Variants in RHPN1 observed in about 807,000 individuals in gnomAD.
RHPN1 encodes rhophilin Rho GTPase binding protein 1.
Under a neutral mutation model 74.7 loss-of-function variants are expected in RHPN1, and 77 were observed. The ratio of observed to expected loss-of-function variants is 1.03; its 90% confidence interval spans 0.86 to 1.25. The LOEUF (loss-of-function observed/expected upper bound fraction) is 1.25. RHPN1 is among the 50% of genes most tolerant of loss of function. The pLI is 0.00. For synonymous variants in RHPN1, 444 were observed against 414.5 expected, an observed-to-expected ratio of 1.07 and a Z score of -0.87; for missense variants, 987 against 932.2, an observed-to-expected ratio of 1.06 and a Z score of -0.77.
intron 3 of RHPN1, among the ~76,000 whole-genome samples, chr8:143,376,919 T>C (rs1174090329): frequency 3.4e-5 from 5 of 148,752 alleles, no homozygotes; most frequent in Admixed American, 1.3e-4. Context: ...TGTCTGTGTG[T>C]CTGCATGTGT....
At chr8:143,378,211 T>G in intron 4 of RHPN1, 58 bp from the exon 5 acceptor site, 1 of 1,428,356 alleles carries the variant, frequency 7.0e-7, no homozygotes, top group Non-Finnish European at 9.7e-7. Flanking sequence ...TTGGGAGACC[T>G]CAGGGAAGGA....
Position 143,382,802 on chromosome 8 carries a change from A to T in RHPN1, c.*151A>T. On this transcript the variant is annotated 3_prime_UTR_variant, in exon 15 of 15. Transcript: ENST00000289013. Reference sequence around the variant, plus strand: ...CCTGCCTGCCCATTAAAGACTGGTCAGACCTGTCTGAGCCCAGTGATGGGA... The same window carrying T: ...CCTGCCTGCCCATTAAAGACTGGTCTGACCTGTCTGAGCCCAGTGATGGGA... 1 of 648,834 alleles carries T rather than the reference A, an allele frequency of 1.5e-6. No individual in the cohort carries two copies. The highest frequency in any genetic ancestry group is 2.6e-6 in the Non-Finnish European group (1 of 378,846). The allele number at this position is 648,834 out of a possible 1,614,324, so 40.2% of individuals were successfully genotyped here.
intron 3 of RHPN1, among the ~76,000 whole-genome samples, chr8:143,377,174 C>CTG (rs890612864): frequency 1.3e-5 from 2 of 151,922 alleles, no homozygotes; most frequent in African/African-American, 4.8e-5. Context: ...GTGTGTGTCT[C>CTG]TGTGTGTGTG....
chr8:143,382,756 TGCTG>T lies in RHPN1; in HGVS notation c.*107_*110del. 3.1e-6 allele frequency: 3 copies of T among 963,836 alleles called. No individual in the cohort carries two copies. Among genetic ancestry groups the T allele is most frequent in the Non-Finnish European group, 4.6e-6 (3 of 654,920 alleles). The allele number at this position is 963,836 out of a possible 1,614,324, so 59.7% of individuals were successfully genotyped here. On this transcript the variant is annotated 3_prime_UTR_variant, in exon 15 of 15. Transcript: ENST00000289013. ...TCCGGGCAATGCCTGTCCCGCCTCATGCTGGAGGCTGCCTCGGGCACCTGCCTGC... is the reference window on the plus strand; with the variant it reads ...TCCGGGCAATGCCTGTCCCGCCTCATGAGGCTGCCTCGGGCACCTGCCTGC...
upstream of RHPN1, among the ~76,000 whole-genome samples, chr8:143,364,937 T>A (rs1817541217): frequency 6.6e-6 from 1 of 152,176 alleles, no homozygotes. This position sits in a 1 kb window ranked among gnomAD's most constrained non-coding sequence, Gnocchi z 4.5. Context: ...ACTCCATTCA[T>A]CACAGTTGAG....
rs1376638763 is a variant in RHPN1, at chr8:143,369,042, C to A, written c.55C>A (p.Leu19Met). ...GAGAGEESPR[L>M]QGCDSLTQIQ... The stretch of plus-strand genomic sequence containing the variant: ...GGGCGCCGGCGAGGAGAGCCCGCGG[C>A]TGCAGGTGCGCAGAACTGGCGCGGC... Residue 19 changes from leucine to methionine, a missense_variant, in exon 1 of 15, where the codon CTG (leucine) becomes ATG (methionine). Leu to Met is a conservative substitution (Grantham distance 15). Coordinates refer to ENST00000289013, the MANE Select transcript of RHPN1 (RefSeq NM_052924.3). The A allele has an allele frequency of 6.7e-7, 1 of 1,494,068 alleles. No individual in the cohort carries two copies. The highest frequency in any genetic ancestry group is 2.2e-5 in the Admixed American group (1 of 45,728). 92.6% of individuals were successfully genotyped at this position (1,494,068 alleles called of 1,614,324 possible).
Position 143,379,419 on chromosome 8 carries a change from G to A in RHPN1, c.856G>A (p.Glu286Lys), listed in dbSNP as rs1441369642. The A allele has an allele frequency of 6.3e-7, 1 of 1,585,050 alleles. No individual in the cohort carries two copies. The highest frequency in any genetic ancestry group is 8.6e-7 in the Non-Finnish European group (1 of 1,166,100). ...GCAGCTCATGATGGCCCAGGCCCAG[G>A]AATGTGTGTTTGAGGGCCTCTCACC... is the stretch of plus-strand genomic sequence containing the variant. ...LEQLMMAQAQECVFEGLSPPA... is the reference protein window; with the variant it reads ...LEQLMMAQAQKCVFEGLSPPA... Residue 286 changes from glutamate to lysine, a missense_variant, in exon 8 of 15, where the codon GAA becomes AAA. By Grantham distance (56) the Glu-to-Lys change is moderately conservative. Transcript: ENST00000289013.
In RHPN1 at chr8:143,379,939, C is replaced by T. The variant is rs367677129; in HGVS notation, c.1056C>T (p.Arg352=). Reference sequence around the variant, plus strand: ...TGCATGTCAAGGCCGAGTACTTCCGCTCCCTGGCCCACTACCACGTAGCCA... The same window carrying T: ...TGCATGTCAAGGCCGAGTACTTCCGTTCCCTGGCCCACTACCACGTAGCCA... ...ALVHVKAEYF[R]SLAHYHVAMA... The change falls in exon 9 of 15, where the codon CGC becomes CGT. Residue 352 remains arginine, a synonymous_variant. Transcript: ENST00000289013. 3 of 1,585,224 alleles carry T rather than the reference C, an allele frequency of 1.9e-6. No individual in the cohort carries two copies. Among genetic ancestry groups the T allele is most frequent in the Non-Finnish European group, 2.6e-6 (3 of 1,166,846 alleles).
At chr8:143,377,216 G>C (rs1333646227) in intron 3 of RHPN1, among the ~76,000 whole-genome samples, 164 bp from the exon 4 acceptor site, 1 of 152,320 alleles carries the variant, frequency 6.6e-6, no homozygotes, top group Non-Finnish European at 1.5e-5. Context: ...AGGACGGTGG[G>C]GGGTGGTGCA....
At chr8:143,365,256 C>A (rs937859677), upstream of RHPN1, among the ~76,000 whole-genome samples, 11 of 152,222 alleles carry the variant, frequency 7.2e-5, no homozygotes. Context: ...AGCATCAAAT[C>A]ATCAACTTTT....
At chr8:143,364,437 C>T (rs566352701), upstream of RHPN1, among the ~76,000 whole-genome samples, 18 of 152,184 alleles carry the variant, frequency 1.2e-4, no homozygotes, top group African/African-American at 3.1e-4. The surrounding 1 kb of genome is among the most constrained non-coding windows in gnomAD (Gnocchi z 4.5). Context: ...ACACACAGCC[C>T]GGGAAGGTCC....
chr8:143,376,532 A>C lies in RHPN1; in HGVS notation c.184A>C (p.Ser62Arg), dbSNP rs1224107541. The change falls in exon 3 of 15, where the codon AGC (serine) becomes CGC (arginine). Residue 62 changes from serine (S) to arginine (R), a missense_variant. Coordinates refer to ENST00000289013, the MANE Select transcript of RHPN1 (RefSeq NM_052924.3). ...TGAENLYRAT[S>R]NNRVRETVAL... is the part of the protein sequence containing the mutation. The stretch of plus-strand genomic sequence containing the variant: ...TGCCGCGGCCTCCCTCAGAGCCACC[A>C]GCAACAACCGGGTGAGAGAGACGGT... The C allele has an allele frequency of 6.2e-7, 1 of 1,612,376 alleles. No individual in the cohort carries two copies. Among genetic ancestry groups the C allele is most frequent in the East Asian group, 2.2e-5 (1 of 44,876 alleles).
chr8:143,381,255 T>A lies in RHPN1; in HGVS notation c.1412-13T>A. ...CAGTCTCCCAGCTTAGCTCTGCTCT[T>A]ACACCCTCTCAGCTAAGACCCACCA... On this transcript the variant is annotated splice_polypyrimidine_tract_variant and intron_variant, in intron 11 of 14. Coordinates refer to ENST00000289013, the MANE Select transcript of RHPN1 (RefSeq NM_052924.3). The A allele has an allele frequency of 1.2e-6, 2 of 1,610,874 alleles. No homozygotes were observed. Among genetic ancestry groups the A allele is most frequent in the Non-Finnish European group, 1.7e-6 (2 of 1,178,158 alleles).
At position 143,369,050 on chromosome 8, in the gene RHPN1, G is replaced by T. The variant is rs767303600; in HGVS notation, c.60+3G>T. 1 of 1,485,038 alleles carries T rather than the reference G, an allele frequency of 6.7e-7. No homozygotes were observed. Among genetic ancestry groups the T allele is most frequent in the Admixed American group, 2.3e-5 (1 of 44,074 alleles). The allele number at this position is 1,485,038 out of a possible 1,614,324, so 92.0% of individuals were successfully genotyped here. A position where few individuals can be genotyped will look rare whatever the true frequency, so the allele number is the denominator to read the frequency against. ...GCGAGGAGAGCCCGCGGCTGCAGGT[G>T]CGCAGAACTGGCGCGGCGGCGGGAG... On this transcript the variant is annotated splice_donor_region_variant and intron_variant, in intron 1 of 14. Coordinates refer to ENST00000289013, the MANE Select transcript of RHPN1 (RefSeq NM_052924.3).
At chr8:143,374,679 G>A (rs143407212) in intron 1 of RHPN1, among the ~76,000 whole-genome samples, 1 of 152,346 alleles carries the variant, frequency 6.6e-6, no homozygotes, top group Non-Finnish European at 1.5e-5. Context: ...AAGAGTGGGG[G>A]TTGGGAGGCC....
In RHPN1 at chr8:143,380,642, C is replaced by A. The variant is rs867809407; in HGVS notation, c.1270C>A (p.His424Asn). ...GGGGCAGGAGGAGGCGCTGCGGCTG[C>A]ACGCCCTGTGCCGCGTCCTGCGCGA... Reference protein sequence around the residue: ...ILGQEEALRLHALCRVLREVD... With the variant: ...ILGQEEALRLNALCRVLREVD... The change falls in exon 11 of 15, where the codon CAC (histidine) becomes AAC (asparagine). Residue 424 changes from histidine to asparagine, a missense_variant. His to Asn is a moderately conservative substitution (Grantham distance 68, BLOSUM62 1). Coordinates refer to ENST00000289013, the MANE Select transcript of RHPN1 (RefSeq NM_052924.3). The A allele has an allele frequency of 6.4e-7, 1 of 1,561,318 alleles. No homozygotes were observed.
Position 143,378,258 on chromosome 8 carries a change from C to T in RHPN1, c.382-11C>T. 1 of 1,562,516 alleles carries T rather than the reference C, an allele frequency of 6.4e-7. No homozygotes were observed. Among genetic ancestry groups the T allele is most frequent in the Non-Finnish European group, 8.7e-7 (1 of 1,153,162 alleles). ...GGGGTACTGTGGATGCCAACACCTG[C>T]CCCCCATCAGGAGCTGATCTCAGTG... On this transcript the variant is annotated splice_polypyrimidine_tract_variant and intron_variant, in intron 4 of 14. Transcript: ENST00000289013.
At chr8:143,377,351 C>A (rs1173144011) in intron 3 of RHPN1, 29 bp from the exon 4 acceptor site, 3 of 1,596,120 alleles carry the variant, frequency 1.9e-6, no homozygotes, top group Middle Eastern at 1.7e-4. Context: ...TTTGGCCTTA[C>A]AGTCTGAAGT....
intron 12 of RHPN1, 106 bp downstream of exon 12, chr8:143,381,450 C>T (rs1390538222): frequency 2.1e-6 from 3 of 1,454,594 alleles, no homozygotes; most frequent in Non-Finnish European, 2.8e-6. Context: ...TCCAGCCCTC[C>T]CCACCCACCT....
Sources: allele counts gnomAD v4.1 joint callset (sites outside exome capture counted in the v4.1 genomes callset), GRCh38; gene constraint gnomAD v4.1.1; non-coding constraint Gnocchi (gnomAD v3.1); transcripts MANE v1.5; gene names NCBI Gene and HGNC (gene_info 2026-07-23, HGNC 2026-07-21).